Variants in WDR33 observed in about 807,000 individuals in gnomAD.
WDR33 encodes the protein WD repeat domain 33.
A neutral mutation model predicts 164.9 loss-of-function variants in WDR33; 47 were observed. The ratio of observed to expected loss-of-function variants is 0.29; its 90% CI spans 0.23 to 0.36. The LOEUF (loss-of-function observed/expected upper bound fraction) is 0.36. Ranked by LOEUF, WDR33 falls within the 10% of genes least tolerant of loss-of-function variation. WDR33 has a pLI of 1.00. For missense variants in WDR33, 1,137 were observed against 1,754.1 expected, an observed-to-expected ratio of 0.65 and a Z score of 6.28; for synonymous variants, 505 against 589.0, an observed-to-expected ratio of 0.86 and a Z score of 2.06.
At chr2:127,762,720 C>G (rs1687714464) in intron 7 of WDR33, 1 of 1,046,370 alleles carries the variant, frequency 9.6e-7, no homozygotes, top group South Asian at 3.4e-5. Flanking sequence ...TGACGGCTAT[C>G]TAAATCAAAC....
At chr2:127,745,850 T>C (rs1380487985) in intron 7 of WDR33, among the ~76,000 whole-genome samples, 2 of 151,910 alleles carry the variant, frequency 1.3e-5, no homozygotes, top group East Asian at 3.9e-4. Context: ...AAGATTCAAA[T>C]ATATTATCTA....
intron 7 of WDR33, among the ~76,000 whole-genome samples, chr2:127,727,865 GA>G (rs889419721): frequency 6.6e-5 from 10 of 152,312 alleles, no homozygotes; most frequent in African/African-American, 2.4e-4. Context: ...GAAGGATACA[GA>G]AGAATACAGA....
chr2:127,715,518 CTG>C (rs1231277740), intron 17 of WDR33, among the ~76,000 whole-genome samples: 4 of 152,320 alleles, frequency 2.6e-5, no homozygotes, highest in Non-Finnish European at 4.4e-5. Context: ...TCTTTTCCGT[CTG>C]TCTCATTTAC....
chr2:127,739,001 T>G (rs1686940236), intron 7 of WDR33, among the ~76,000 whole-genome samples: 1 of 152,190 alleles, frequency 6.6e-6, no homozygotes, highest in Non-Finnish European at 1.5e-5. Context: ...TAAAAATTTT[T>G]GCCCACAGAC....
Position 127,709,822 on chromosome 2 carries a change from G to T in WDR33, c.3343C>A (p.Arg1115Ser). 6.2e-7 allele frequency: 1 copy of T among 1,614,166 alleles called. No individual in the cohort carries two copies. The highest frequency in any genetic ancestry group is 8.5e-7 in the Non-Finnish European group (1 of 1,180,044). Residue 1115 changes from arginine to serine, a missense_variant, in exon 19 of 22, where the codon CGT becomes AGT. This residue lies in a region of WDR33 where 867 missense variants were observed against 1,073.0 expected (regional missense o/e 0.81). Coordinates refer to ENST00000322313, the MANE Select transcript of WDR33 (RefSeq NM_018383.5). The surrounding 1 kb of genome is among the most constrained non-coding windows in gnomAD (Gnocchi z 5.0). ...CCATCCCTTCCTCTGGGGGGAGCAC[G>T]GCCCTCATGCCTCGGCGGGGCTCCT... Reference protein sequence around the residue: ...RRGAPPRHEGRAPPRGRDGFP... With the variant: ...RRGAPPRHEGSAPPRGRDGFP...
intron 1 of WDR33, among the ~76,000 whole-genome samples, chr2:127,810,540 T>A (rs1016903565): frequency 1.3e-5 from 2 of 152,240 alleles, no homozygotes; most frequent in Non-Finnish European, 2.9e-5. Flanking sequence ...CCTGTCAAGC[T>A]GTAGCCTCAT....
intron 7 of WDR33, among the ~76,000 whole-genome samples, chr2:127,750,703 TATATATATATGTATGTATGCATAC>T (rs1403744386): frequency 1.8e-5 from 1 of 56,678 alleles, no homozygotes; most frequent in Non-Finnish European, 2.9e-5. Flanking sequence ...TATATATATA[TATATATATATGTATGTATGCATAC>T]ATATATATGT....
chr2:127,730,663 TATAC>T (rs1686679147), intron 7 of WDR33, among the ~76,000 whole-genome samples: 1 of 147,620 alleles, frequency 6.8e-6, no homozygotes, highest in South Asian at 2.2e-4. Context: ...AAACTATACA[TATAC>T]ATACACATTT....
intron 7 of WDR33, among the ~76,000 whole-genome samples, chr2:127,742,623 A>C (rs1434604118): frequency 6.6e-6 from 1 of 151,894 alleles, no homozygotes; most frequent in East Asian, 1.9e-4. Flanking sequence ...GACAAACAGA[A>C]ATCTCCCAAT....
intron 7 of WDR33, chr2:127,737,337 G>C (rs1374671873): frequency 1.0e-6 from 1 of 985,422 alleles, no homozygotes; most frequent in South Asian, 4.7e-5. Flanking sequence ...CTGTAAGAAA[G>C]AGTACTCTGA....
Position 127,719,838 on chromosome 2 carries a change from C to T in WDR33, c.2187G>A (p.Leu729=), listed in dbSNP as rs1686389373. The change falls in exon 16 of 22, where the codon TTG becomes TTA. Residue 729 remains leucine (L), a synonymous_variant. Transcript: ENST00000322313. The surrounding 1 kb of genome is among the most constrained non-coding windows in gnomAD (Gnocchi z 6.5). ...PQGPPGPQGH[L]GPQGPPGTQG... ...GAGTACCCGGAGGCCCCTGTGGGCCCAAGTGACCCTGAGGGCCAGGCGGGC... is the reference window on the plus strand; with the variant it reads ...GAGTACCCGGAGGCCCCTGTGGGCCTAAGTGACCCTGAGGGCCAGGCGGGC... 1.2e-6 allele frequency: 2 copies of T among 1,613,536 alleles called. No individual in the cohort carries two copies. Among genetic ancestry groups the T allele is most frequent in the East Asian group, 2.2e-5 (1 of 44,888 alleles).
chr2:127,794,554 C>G (rs2105485488), intron 1 of WDR33, among the ~76,000 whole-genome samples: 1 of 151,170 alleles, frequency 6.6e-6, no homozygotes, highest in Non-Finnish European at 1.5e-5. Flanking sequence ...CGAAAGAGGT[C>G]AGGCACAGTA....
At chr2:127,783,989 G>A (rs1357723352) in intron 1 of WDR33, among the ~76,000 whole-genome samples, 1 of 149,272 alleles carries the variant, frequency 6.7e-6, no homozygotes. Context: ...TATTAGAAAT[G>A]AAAAAAAAAA....
chr2:127,753,716 T>C (rs1249836686), intron 7 of WDR33, among the ~76,000 whole-genome samples: 3 of 152,166 alleles, frequency 2.0e-5, no homozygotes, highest in Non-Finnish European at 4.4e-5. Context: ...TAAAACAGCA[T>C]TTTTAAAAGA....
At chr2:127,797,344 T>C (rs1015332397) in intron 1 of WDR33, among the ~76,000 whole-genome samples, 3 of 151,846 alleles carry the variant, frequency 2.0e-5, no homozygotes, top group East Asian at 1.9e-4. Context: ...ATACAAAAAT[T>C]AGCTGGGCGT....
Position 127,704,289 on chromosome 2 carries a change from T to TGTCAA in WDR33, c.*2029_*2033dup, listed in dbSNP as rs1685961582. On this transcript the variant is annotated 3_prime_UTR_variant, in exon 22 of 22. Coordinates refer to ENST00000322313, the MANE Select transcript of WDR33 (RefSeq NM_018383.5). The stretch of plus-strand genomic sequence containing the variant: ...ATGAATTCACTCTCAAAATGTGATC[T>TGTCAA]GTCAAGTCCAGTAGAGCTTCAAGGT... 1.2e-5 allele frequency: 2 copies of TGTCAA among 166,930 alleles called. No individual in the cohort carries two copies. Among genetic ancestry groups the TGTCAA allele is most frequent in the South Asian group, 4.1e-4 (2 of 4,826 alleles). 10.3% of individuals were successfully genotyped at this position (166,930 alleles called of 1,614,324 possible).
chr2:127,722,969 T>C lies in WDR33; in HGVS notation c.1367A>G (p.Gln456Arg), dbSNP rs1230133159. 1 of 1,610,476 alleles carries C rather than the reference T, an allele frequency of 6.2e-7. No individual in the cohort carries two copies. Among genetic ancestry groups the C allele is most frequent in the Admixed American group, 1.7e-5 (1 of 59,192 alleles). Residue 456 changes from glutamine (Q) to arginine (R), a missense_variant, in exon 13 of 22, where the codon CAA becomes CGA. Around this residue, in one of 9 missense-constraint regions of WDR33, gnomAD observed 75 missense variants for 124.7 expected, o/e 0.60. Coordinates refer to ENST00000322313, the MANE Select transcript of WDR33 (RefSeq NM_018383.5). This position sits in a 1 kb window ranked among gnomAD's most constrained non-coding sequence, Gnocchi z 5.1. ...IPEQLKLAMEQEQMGKDESNE... is the reference protein window; with the variant it reads ...IPEQLKLAMEREQMGKDESNE... ...GTAACTTCTCTTACCCATCTGTTCT[T>C]GTTCCATAGCTAATTTTAGTTGTTC...
chr2:127,752,521 C>T (rs1044639074), intron 7 of WDR33, among the ~76,000 whole-genome samples: 28 of 142,840 alleles, frequency 2.0e-4, no homozygotes, highest in East Asian at 4.3e-4. Flanking sequence ...ACCCGGGAAG[C>T]GGAGCTTGCA....
At position 127,709,873 on chromosome 2, in the gene WDR33, G is replaced by A. The variant is rs1490611808; in HGVS notation, c.3309-17C>T. The A allele has an allele frequency of 1.9e-6, 3 of 1,612,368 alleles. No individual in the cohort carries two copies. In the Admixed American group the frequency reaches 5.0e-5, roughly 27 times the overall value. ...CTTCTGAAACTGTAAAGAGAAAACA[G>A]CAGAATGTCCATCTCAGAGAACACC... On this transcript the variant is annotated splice_polypyrimidine_tract_variant and intron_variant, in intron 18 of 21. Coordinates refer to ENST00000322313, the MANE Select transcript of WDR33 (RefSeq NM_018383.5). This position sits in a 1 kb window ranked among gnomAD's most constrained non-coding sequence, Gnocchi z 5.0.
Sources: allele counts gnomAD v4.1 joint callset (sites outside exome capture counted in the v4.1 genomes callset), GRCh38; gene constraint gnomAD v4.1.1; regional missense constraint gnomAD v4.1.1; non-coding constraint Gnocchi (gnomAD v3.1); transcripts MANE v1.5; gene names NCBI Gene and HGNC (gene_info 2026-07-23, HGNC 2026-07-21).